The following NKAIN2 variants were observed in gnomAD, a reference collection of about 807,000 sequenced individuals.
The protein encoded by NKAIN2 is sodium/potassium-transporting ATPase subunit beta-1-interacting protein 2.
NKAIN2 carries 14 observed loss-of-function variants against 32.6 expected under a neutral mutation model. The ratio of observed to expected loss-of-function variants is 0.43; its 90% CI spans 0.28 to 0.67. The LOEUF (loss-of-function observed/expected upper bound fraction) is 0.67. Among genes scored for constraint, NKAIN2 ranks in the 30% least tolerant of loss-of-function variants. NKAIN2 has a pLI of 0.17. For missense variants in NKAIN2, 198 were observed against 258.3 expected (o/e 0.77, Z 1.60); for synonymous variants, 80 against 87.2 (o/e 0.92, Z 0.46).
intron 3 of NKAIN2, among the ~76,000 whole-genome samples, chr6:124,540,557 T>C (rs1285981476): frequency 2.0e-5 from 3 of 152,216 alleles, no homozygotes; most frequent in Admixed American, 2.0e-4. Context: ...AACCCCACTG[T>C]AGCCATGTAC....
At chr6:124,637,721 C>G (rs1476257226) in intron 3 of NKAIN2, among the ~76,000 whole-genome samples, 2 of 151,952 alleles carry the variant, frequency 1.3e-5, no homozygotes, top group Admixed American at 6.6e-5. Flanking sequence ...TGAAAGATCT[C>G]TACAATGAAA....
rs1797412857 is a variant in NKAIN2, at chr6:124,326,406, G to T, written c.193-28861G>T. Among the ~76,000 whole-genome samples, 6 of 152,020 alleles carry T rather than the reference G, an allele frequency of 3.9e-5. No homozygotes were observed. In the South Asian group the frequency reaches 8.3e-4, roughly 21 times the overall value. Reference sequence around the variant, plus strand: ...GTCTTTCACAGCTTCCTCACTCCAGGGTTGCCTCCCCTCCTGTTACCATGA... The same window carrying T: ...GTCTTTCACAGCTTCCTCACTCCAGTGTTGCCTCCCCTCCTGTTACCATGA... On this transcript the variant is annotated intron_variant, in intron 2 of 6. Transcript: ENST00000368417.
At chr6:123,850,802 A>T (rs1775309772) in intron 1 of NKAIN2, among the ~76,000 whole-genome samples, 1 of 152,186 alleles carries the variant, frequency 6.6e-6, no homozygotes, top group African/African-American at 2.4e-5. Flanking sequence ...TGTAGTCACC[A>T]TGTTGTACAA....
intron 1 of NKAIN2, among the ~76,000 whole-genome samples, chr6:123,826,715 A>C (rs1326759569): frequency 6.6e-6 from 1 of 152,254 alleles, no homozygotes; most frequent in African/African-American, 2.4e-5. Flanking sequence ...AGACTGAATA[A>C]TACTCCATTT....
intron 3 of NKAIN2, among the ~76,000 whole-genome samples, chr6:124,653,251 A>T (rs1396923591): frequency 6.6e-6 from 1 of 152,116 alleles, no homozygotes; most frequent in Non-Finnish European, 1.5e-5. Context: ...AAGAGTTAAT[A>T]TAAAGTTACA....
chr6:124,205,362 T>TA (rs57900235), intron 1 of NKAIN2, among the ~76,000 whole-genome samples: 9,748 of 95,346 alleles, frequency 0.1, 610 homozygotes, highest in African/African-American at 0.16. Context: ...TCTTAGGTGC[T>TA]AAAAAAAAAT....
intron 1 of NKAIN2, among the ~76,000 whole-genome samples, chr6:123,916,843 T>TATCCG (rs1775526621): frequency 3.3e-5 from 3 of 91,196 alleles, no homozygotes; most frequent in Non-Finnish European, 6.7e-5. Flanking sequence ...CTATCTATCC[T>TATCCG]ACCTACCTAC....
intron 3 of NKAIN2, among the ~76,000 whole-genome samples, chr6:124,648,404 A>G (rs1008453531): frequency 6.6e-6 from 1 of 152,246 alleles, no homozygotes; most frequent in Non-Finnish European, 1.5e-5. Flanking sequence ...GAAAAAATTG[A>G]TAATTGCAAA....
At chr6:124,685,127 A>G (rs994940622) in intron 4 of NKAIN2, among the ~76,000 whole-genome samples, 10 of 152,164 alleles carry the variant, frequency 6.6e-5, no homozygotes, top group African/African-American at 1.4e-4. Context: ...TTTAAATCCA[A>G]TTCTGAGGAT....
At chr6:124,056,062 C>G (rs190310895) in intron 1 of NKAIN2, among the ~76,000 whole-genome samples, 4 of 152,032 alleles carry the variant, frequency 2.6e-5, no homozygotes, top group African/African-American at 9.7e-5. Context: ...GTGAGCTGAT[C>G]GATTGCCCAC....
At chr6:124,083,496 T>C (rs2114911929) in intron 1 of NKAIN2, among the ~76,000 whole-genome samples, 1 of 151,980 alleles carries the variant, frequency 6.6e-6, no homozygotes. Flanking sequence ...GTTCTAAATT[T>C]TTCTAATTTT....
intron 4 of NKAIN2, among the ~76,000 whole-genome samples, chr6:124,737,950 G>C (rs2114680840): frequency 6.6e-6 from 1 of 151,932 alleles, no homozygotes; most frequent in African/African-American, 2.4e-5. Context: ...TCAAGAGGAA[G>C]CAGAGCATAA....
intron 3 of NKAIN2, among the ~76,000 whole-genome samples, chr6:124,646,032 A>G (rs757168536): frequency 5.9e-5 from 9 of 152,290 alleles, no homozygotes; most frequent in Non-Finnish European, 1.0e-4. Context: ...ATATTTATAT[A>G]TTTGTTGTCC....
intron 4 of NKAIN2, among the ~76,000 whole-genome samples, chr6:124,670,985 G>C (rs574188708): frequency 6.6e-6 from 1 of 152,164 alleles, no homozygotes; most frequent in African/African-American, 2.4e-5. Flanking sequence ...GAAGGGAGCA[G>C]TTGCACTTTT....
intron 4 of NKAIN2, among the ~76,000 whole-genome samples, chr6:124,676,052 A>G (rs1562318510): frequency 1.3e-5 from 2 of 152,120 alleles, no homozygotes; most frequent in Admixed American, 6.5e-5. Context: ...AAAACATTTT[A>G]TAATTTCCCT....
intron 4 of NKAIN2, among the ~76,000 whole-genome samples, chr6:124,667,658 G>T (rs1340269092): frequency 1.3e-5 from 2 of 151,956 alleles, no homozygotes; most frequent in East Asian, 3.9e-4. Flanking sequence ...TTCTCTTCAT[G>T]AGAACTTCTA....
At chr6:124,688,101 T>G (rs1019027831) in intron 4 of NKAIN2, among the ~76,000 whole-genome samples, 1 of 152,096 alleles carries the variant, frequency 6.6e-6, no homozygotes, top group African/African-American at 2.4e-5. Context: ...ATCTCCCAAA[T>G]TTGATGATAA....
At chr6:124,425,409 C>T (rs1774939762) in intron 3 of NKAIN2, among the ~76,000 whole-genome samples, 1 of 151,992 alleles carries the variant, frequency 6.6e-6, no homozygotes, top group African/African-American at 2.4e-5. Flanking sequence ...TTGGTCTTGG[C>T]AGTGACCAAA....
At chr6:124,412,173 C>G (rs1163513257) in intron 3 of NKAIN2, among the ~76,000 whole-genome samples, 1 of 152,100 alleles carries the variant, frequency 6.6e-6, no homozygotes, top group East Asian at 1.9e-4. Context: ...AGCCTTCTCT[C>G]AACTCCTCAA....
Sources: allele counts gnomAD v4.1 joint callset (sites outside exome capture counted in the v4.1 genomes callset), GRCh38; gene constraint gnomAD v4.1.1; transcripts MANE v1.5; gene names NCBI Gene and HGNC (gene_info 2026-07-23, HGNC 2026-07-21).